NRXN3: variants seen among roughly 807,000 people sequenced by gnomAD.
NRXN3 encodes neurexin III.
NRXN3 carries 32 observed loss-of-function variants against 137.6 expected under a neutral mutation model. The observed-to-expected ratio is 0.23, with a 90% CI of 0.18 to 0.31. NRXN3 has a LOEUF of 0.31. NRXN3 is among the 10% of genes least tolerant of loss of function. The pLI is 1.00. For synonymous variants in NRXN3, 798 were observed against 784.5 expected, an observed-to-expected ratio of 1.02 and a Z score of -0.29; for missense variants, 1,574 against 2,062.5, an observed-to-expected ratio of 0.76 and a Z score of 4.59.
intron 4 of NRXN3, among the ~76,000 whole-genome samples, chr14:78,512,649 G>T (rs1185297003): frequency 1.3e-5 from 2 of 152,136 alleles, no homozygotes; most frequent in Non-Finnish European, 1.5e-5. Context: ...CCACTAGACA[G>T]TCACTTTTAG....
intron 1 of NRXN3, among the ~76,000 whole-genome samples, chr14:78,212,281 A>G (rs1350178140): frequency 6.6e-6 from 1 of 152,196 alleles, no homozygotes; most frequent in Non-Finnish European, 1.5e-5. Flanking sequence ...TAAGCCTGAG[A>G]TGATGAAGGT....
intron 4 of NRXN3, among the ~76,000 whole-genome samples, chr14:78,554,726 T>G (rs1307537416): frequency 6.6e-6 from 1 of 152,164 alleles, no homozygotes; most frequent in Non-Finnish European, 1.5e-5. Context: ...TACCAGGAAC[T>G]TAAAAGAGTA....
At chr14:79,078,753 G>T (rs756950643) in intron 15 of NRXN3, among the ~76,000 whole-genome samples, 1 of 152,134 alleles carries the variant, frequency 6.6e-6, no homozygotes, top group Non-Finnish European at 1.5e-5. Context: ...GACCAATTCT[G>T]GGAATAGTTA....
intron 15 of NRXN3, among the ~76,000 whole-genome samples, chr14:79,149,588 A>G (rs2059617578): frequency 6.6e-6 from 1 of 152,150 alleles, no homozygotes; most frequent in Non-Finnish European, 1.5e-5. Flanking sequence ...TCACAATAGT[A>G]AAGACATGGA....
At chr14:79,778,706 C>T (rs7158799) in intron 19 of NRXN3, among the ~76,000 whole-genome samples, 79,033 of 151,774 alleles carry the variant, frequency 0.52, 21,110 homozygotes, top group Middle Eastern at 0.65. Context: ...TCAGTCTATA[C>T]GAATTTTCAG....
At chr14:78,240,353 G>A (rs975963813) in intron 1 of NRXN3, among the ~76,000 whole-genome samples, 1 of 152,196 alleles carries the variant, frequency 6.6e-6, no homozygotes, top group Non-Finnish European at 1.5e-5. Context: ...GGCCAACCAG[G>A]AGATTCATTC....
chr14:78,249,719 A>G (rs2153460220), intron 2 of NRXN3, among the ~76,000 whole-genome samples: 1 of 152,244 alleles, frequency 6.6e-6, no homozygotes, highest in Non-Finnish European at 1.5e-5. Context: ...CTGACATTCT[A>G]GGTGCTTTTT....
In NRXN3 at chr14:79,861,221, A is replaced by G; in HGVS notation, c.4094-121A>G. 1 of 1,534,436 alleles carries G rather than the reference A, an allele frequency of 6.5e-7. No homozygotes were observed. The highest frequency in any genetic ancestry group is 1.2e-5 in the South Asian group (1 of 83,882). On this transcript the variant is annotated intron_variant, in intron 20 of 20. Transcript: ENST00000335750. This position sits in a 1 kb window ranked among gnomAD's most constrained non-coding sequence, Gnocchi z 5.4. ...GTTACCTTGCTTGTCGGACCAAGGCAGCGATGGTTGTGATGATGATGGCTT... is the reference window on the plus strand; with the variant it reads ...GTTACCTTGCTTGTCGGACCAAGGCGGCGATGGTTGTGATGATGATGGCTT...
Position 78,202,081 on chromosome 14 carries a change from TAGCTGCCATGGGTG to T in NRXN3, c.-704+31439_-704+31452del, listed in dbSNP as rs544573079. 3.9e-3 allele frequency among the ~76,000 whole-genome samples: 588 copies of T among 152,128 alleles called. 5 individuals are homozygous for T. Among genetic ancestry groups the T allele is most frequent in the African/African-American group, 0.012 (486 of 41,494 alleles). ...AGCAGTGGGGAGGGAGAAACTCCCA[TAGCTGCCATGGGTG>T]AGCTGCCATGGGTGAGCTGCCATGG... On this transcript the variant is annotated intron_variant, in intron 1 of 20. Coordinates refer to ENST00000335750, the MANE Select transcript of NRXN3 (RefSeq NM_001330195.2).
intron 19 of NRXN3, among the ~76,000 whole-genome samples, chr14:79,802,985 A>G (rs1458146776): frequency 6.6e-6 from 1 of 152,144 alleles, no homozygotes; most frequent in Non-Finnish European, 1.5e-5. Context: ...CCACCATCGC[A>G]CCCATTTACC....
chr14:79,832,996 A>G (rs1394567550), intron 20 of NRXN3, among the ~76,000 whole-genome samples: 2 of 152,164 alleles, frequency 1.3e-5, no homozygotes, highest in Non-Finnish European at 2.9e-5. Flanking sequence ...AAAAGTTATT[A>G]AGTAGGAGAA....
At chr14:78,948,711 G>A (rs901273573) in intron 10 of NRXN3, among the ~76,000 whole-genome samples, 1 of 128,148 alleles carries the variant, frequency 7.8e-6, no homozygotes, top group Non-Finnish European at 1.6e-5. Context: ...ATACTTTAAA[G>A]AAAGCCCAGG....
At chr14:79,296,031 G>T (rs1450986587) in intron 15 of NRXN3, among the ~76,000 whole-genome samples, 3 of 152,148 alleles carry the variant, frequency 2.0e-5, no homozygotes, top group African/African-American at 7.2e-5. Context: ...TTCACGCCTT[G>T]GTGGAAGAGC....
chr14:79,549,263 G>A (rs1397317571), intron 16 of NRXN3, among the ~76,000 whole-genome samples: 1 of 152,100 alleles, frequency 6.6e-6, no homozygotes, highest in Non-Finnish European at 1.5e-5. Context: ...AGATTCCAAA[G>A]AGAGACGGCT....
intron 15 of NRXN3, among the ~76,000 whole-genome samples, chr14:79,283,164 T>C (rs1200587317): frequency 6.6e-6 from 1 of 152,166 alleles, no homozygotes; most frequent in African/African-American, 2.4e-5. Flanking sequence ...AGACTGATGG[T>C]TGTTATTGAT....
chr14:78,615,057 T>G (rs57416351), intron 4 of NRXN3: 2 of 456,530 alleles, frequency 4.4e-6, no homozygotes, highest in Admixed American at 4.7e-5. Flanking sequence ...CGTATTTCCA[T>G]GGTTAGATTA....
chr14:79,459,677 T>C (rs1707129428), intron 15 of NRXN3, among the ~76,000 whole-genome samples: 1 of 151,980 alleles, frequency 6.6e-6, no homozygotes, highest in Admixed American at 6.6e-5. Context: ...TATAGAGTTT[T>C]GAAATATTAT....
intron 6 of NRXN3, among the ~76,000 whole-genome samples, chr14:78,667,837 G>A (rs947396869): frequency 1.3e-5 from 2 of 152,064 alleles, no homozygotes; most frequent in African/African-American, 4.8e-5. Flanking sequence ...AGGCTGGAGA[G>A]CAATGGTGTG....
chr14:78,757,158 G>A (rs59076471), intron 8 of NRXN3, among the ~76,000 whole-genome samples: 7,533 of 152,052 alleles, frequency 0.05, 584 homozygotes, highest in African/African-American at 0.17. Flanking sequence ...CTTTAATCCT[G>A]GCACTTTGGG....
Sources: gnomAD v4.1 joint callset for allele counts (sites outside exome capture counted in the v4.1 genomes callset) on GRCh38, gnomAD v4.1.1 for gene constraint, Gnocchi (gnomAD v3.1) non-coding constraint, MANE v1.5 for transcripts, NCBI Gene and HGNC (gene_info 2026-07-23, HGNC 2026-07-21) for gene names.